BRIX1: variants seen among roughly 807,000 people sequenced by gnomAD.
The protein encoded by BRIX1 is ribosome biogenesis protein BRX1 homolog.
In BRIX1, 15 loss-of-function variants were observed where a neutral mutation model predicts 44.0. The ratio of observed to expected loss-of-function variants is 0.34; its 90% CI spans 0.23 to 0.53. The LOEUF is 0.53. BRIX1 is among the 20% of genes least tolerant of loss of function. BRIX1 has a pLI of 0.95. For missense variants in BRIX1, 420 were observed against 432.8 expected (o/e 0.97, Z 0.26); for synonymous variants, 149 against 135.4 (o/e 1.10, Z -0.70).
chr5:34,923,995 A>G (rs1409701177), intron 8 of BRIX1, among the ~76,000 whole-genome samples: 2 of 152,194 alleles, frequency 1.3e-5, no homozygotes, highest in Admixed American at 1.3e-4. Context: ...GCTGTAAAGG[A>G]TACAGTAAAA....
chr5:34,918,857 A>C (rs1764176139), intron 2 of BRIX1: 1 of 141,522 alleles, frequency 7.1e-6, no homozygotes, highest in Admixed American at 7.5e-5. Flanking sequence ...TGAAAAATGG[A>C]CCTGGGATAG....
rs376065690 is a variant in BRIX1, at chr5:34,915,817, G to A, written c.79G>A (p.Glu27Lys). The change falls in exon 1 of 10, where the codon GAG (glutamate) becomes AAG (lysine). Residue 27 changes from glutamate (E) to lysine (K), a missense_variant. By Grantham distance (56) the Glu-to-Lys change is moderately conservative (BLOSUM62 1). Transcript: ENST00000336767. Reference protein sequence around the residue: ...KKPKRNEIDAEPPAKRHATAE... With the variant: ...KKPKRNEIDAKPPAKRHATAE... Reference sequence around the variant, plus strand: ...GCCAAAAAGAAACGAAATAGATGCGGAGCCGCCAGCTAAGCGGCACGCCAC... The same window carrying A: ...GCCAAAAAGAAACGAAATAGATGCGAAGCCGCCAGCTAAGCGGCACGCCAC... The A allele has an allele frequency of 2.0e-5, 31 of 1,578,190 alleles. No individual in the cohort carries two copies. The highest frequency in any genetic ancestry group is 4.1e-5 in the African/African-American group (3 of 74,070).
At chr5:34,920,332 A>G (rs1367514659) in intron 3 of BRIX1, 1 of 152,318 alleles carries the variant, frequency 6.6e-6, no homozygotes, top group African/African-American at 2.4e-5. Flanking sequence ...TACATTTTCA[A>G]AGTATTGTTT....
rs767842137 is a variant in BRIX1, at chr5:34,915,834, G to A, written c.96G>A (p.Arg32=). 2.5e-6 allele frequency: 4 copies of A among 1,569,980 alleles called. No individual in the cohort carries two copies. Among genetic ancestry groups the A allele is most frequent in the Non-Finnish European group, 3.5e-6 (4 of 1,157,432 alleles). ...TAGATGCGGAGCCGCCAGCTAAGCG[G>A]CACGCCACAGCAGAGGAGGTGGAGG... ...NEIDAEPPAK[R]HATAEEVEEE... is the part of the protein sequence containing the mutation. The change falls in exon 1 of 10, where the codon CGG becomes CGA. Residue 32 remains arginine (R), a synonymous_variant. Transcript: ENST00000336767.
Position 34,918,397 on chromosome 5 carries a change from T to C in BRIX1, c.193T>C (p.Phe65Leu). The change falls in exon 2 of 10, where the codon TTT (phenylalanine) becomes CTT (leucine). Residue 65 changes from phenylalanine (F) to leucine (L), a missense_variant. Transcript: ENST00000336767. ...GAAAAATAAGGAACGGATTCTCATC[T>C]TTTCTTCCAGAGGAATAAATTTTAG... ...KWKNKERILI[F>L]SSRGINFRTR... The C allele has an allele frequency of 6.3e-7, 1 of 1,592,490 alleles. No homozygotes were observed. Among genetic ancestry groups the C allele is most frequent in the South Asian group, 1.1e-5 (1 of 89,148 alleles).
chr5:34,923,597 T>TA (rs1259540914), intron 8 of BRIX1, among the ~76,000 whole-genome samples: 3 of 151,998 alleles, frequency 2.0e-5, no homozygotes, highest in Admixed American at 6.6e-5. Flanking sequence ...TTTTTAGAGA[T>TA]AGAGTGTCGC....
chr5:34,920,281 T>G (rs1264466487), intron 3 of BRIX1: 1 of 153,074 alleles, frequency 6.5e-6, no homozygotes, highest in African/African-American at 2.4e-5. Flanking sequence ...AAAAGTGATT[T>G]GTGTGGAACT....
chr5:34,918,324 A>G, intron 1 of BRIX1, 40 bp from the exon 2 acceptor site: 1 of 1,075,660 alleles, frequency 9.3e-7, no homozygotes, highest in Non-Finnish European at 1.4e-6. Flanking sequence ...TCAGTTCAGT[A>G]TAAGATTTTA....
intron 6 of BRIX1, 45 bp downstream of exon 6, chr5:34,922,813 C>T: frequency 6.5e-7 from 1 of 1,546,128 alleles, no homozygotes. Context: ...TCTTATCTGG[C>T]ATGGTTGTTT....
At chr5:34,918,140 C>CA (rs1184236238) in intron 1 of BRIX1, 26,252 of 103,188 alleles carry the variant, frequency 0.25, 1,197 homozygotes, top group African/African-American at 0.38. Flanking sequence ...CCCATCTCTA[C>CA]AAAAAAAAAA....
chr5:34,916,224 C>T (rs1193021339), intron 1 of BRIX1: 2 of 202,252 alleles, frequency 9.9e-6, no homozygotes, highest in East Asian at 2.4e-4. Flanking sequence ...AGTGCTTTTC[C>T]TTGGTTATTT....
Position 34,925,079 on chromosome 5 carries a change from G to T in BRIX1, c.792+104G>T, listed in dbSNP as rs532022312. On this transcript the variant is annotated intron_variant, in intron 9 of 9. Coordinates refer to ENST00000336767, the MANE Select transcript of BRIX1 (RefSeq NM_018321.4). ...TTTATTACCTGTGAAACTGAATTTG[G>T]TTTTTGCTGCATAGAAACTTGGAAA... The T allele has an allele frequency of 9.4e-5, 140 of 1,484,458 alleles. 2 individuals are homozygous for T. The East Asian group carries it at 2.1e-3, about 22-fold the overall frequency. 92.0% of individuals were successfully genotyped at this position (1,484,458 alleles called of 1,614,324 possible). A position where few individuals can be genotyped will look rare whatever the true frequency, so the allele number is the denominator to read the frequency against.
intron 8 of BRIX1, 120 bp from the exon 9 acceptor site, chr5:34,924,727 C>A: frequency 1.7e-6 from 1 of 594,636 alleles, no homozygotes; most frequent in Non-Finnish European, 2.9e-6. Context: ...AAGTTTCACC[C>A]CCACCTTGAT....
chr5:34,925,153 C>A, intron 9 of BRIX1, 73 bp from the exon 10 acceptor site: 2 of 1,461,444 alleles, frequency 1.4e-6, no homozygotes, highest in South Asian at 1.4e-5. Context: ...TGGTTCATAA[C>A]TGAAAGTCTT....
chr5:34,918,351 T>C lies in BRIX1; in HGVS notation c.160-13T>C, dbSNP rs1764163986. On this transcript the variant is annotated splice_polypyrimidine_tract_variant and intron_variant, in intron 1 of 9. Coordinates refer to ENST00000336767, the MANE Select transcript of BRIX1 (RefSeq NM_018321.4). The stretch of plus-strand genomic sequence containing the variant: ...AAGATTTTAAAATCTTTTAACATTT[T>C]CTTTTTCTTTAGGGAAAGTGGAAAA... 1 of 1,285,992 alleles carries C rather than the reference T, an allele frequency of 7.8e-7. No individual in the cohort carries two copies. Among genetic ancestry groups the C allele is most frequent in the South Asian group, 1.2e-5 (1 of 81,704 alleles). The allele number at this position is 1,285,992 out of a possible 1,614,324, so 79.7% of individuals were successfully genotyped here. A position where few individuals can be genotyped will look rare whatever the true frequency, so the allele number is the denominator to read the frequency against.
chr5:34,918,200 A>G (rs1764159982), intron 1 of BRIX1, 164 bp from the exon 2 acceptor site: 1 of 467,742 alleles, frequency 2.1e-6, no homozygotes, highest in South Asian at 4.3e-5. Context: ...GTCTCCAGCT[A>G]CTGTAGATGC....
intron 8 of BRIX1, among the ~76,000 whole-genome samples, chr5:34,924,192 A>T (rs1205494849): frequency 6.6e-6 from 1 of 152,226 alleles, no homozygotes; most frequent in East Asian, 1.9e-4. Context: ...TTGGCACGAT[A>T]AGTGCAGAAA....
In BRIX1 at chr5:34,925,533, A is replaced by G. The variant is rs1274263218; in HGVS notation, c.*38A>G. ...CTGATTTGTTTTTCAGTTACTTTAT[A>G]TTTATTTTGTATTCAATGTGTAAAT... On this transcript the variant is annotated 3_prime_UTR_variant, in exon 10 of 10. Coordinates refer to ENST00000336767, the MANE Select transcript of BRIX1 (RefSeq NM_018321.4). The G allele has an allele frequency of 1.3e-6, 2 of 1,560,938 alleles. No individual in the cohort carries two copies. The highest frequency in any genetic ancestry group is 2.8e-5 in the African/African-American group (2 of 72,616).
chr5:34,922,867 C>T, intron 6 of BRIX1, 99 bp downstream of exon 6: 2 of 1,316,320 alleles, frequency 1.5e-6, no homozygotes, highest in South Asian at 2.5e-5. Flanking sequence ...TCACCCCCAC[C>T]TTGGTTTTAT....
Sources: allele counts gnomAD v4.1 joint callset (sites outside exome capture counted in the v4.1 genomes callset), GRCh38; gene constraint gnomAD v4.1.1; transcripts MANE v1.5; gene names NCBI Gene and HGNC (gene_info 2026-07-23, HGNC 2026-07-21).